Variants in MRPS31 observed in about 807,000 individuals in gnomAD.
MRPS31 encodes small ribosomal subunit protein mS31.
Under a neutral mutation model 43.1 loss-of-function variants are expected in MRPS31, and 32 were observed. The observed-to-expected ratio is 0.74, with a 90% CI of 0.56 to 1.00. The LOEUF (loss-of-function observed/expected upper bound fraction) is 1.00. Ranked by LOEUF, MRPS31 falls within the 50% of genes least tolerant of loss-of-function variation. The probability of loss-of-function intolerance (pLI) is 0.00; values close to 1 mark genes in which losing one functional copy is unlikely to be tolerated. For synonymous variants in MRPS31, 165 were observed against 161.6 expected, an observed-to-expected ratio of 1.02 and a Z score of -0.16; for missense variants, 437 against 466.7, an observed-to-expected ratio of 0.94 and a Z score of 0.59.
intron 6 of MRPS31, among the ~76,000 whole-genome samples, chr13:40,743,525 T>C (rs1880160537): frequency 6.6e-6 from 1 of 152,042 alleles, no homozygotes; most frequent in Admixed American, 6.6e-5. Context: ...ATCAACCCTA[T>C]TAAAAGGTGG....
intron 3 of MRPS31, among the ~76,000 whole-genome samples, chr13:40,758,018 CTG>C (rs751968370): frequency 1.3e-5 from 2 of 151,718 alleles, no homozygotes; most frequent in African/African-American, 2.4e-5. Flanking sequence ...TGGCGGGCAC[CTG>C]TAGTCCCAGC....
chr13:40,754,521 GT>G (rs746058390), intron 4 of MRPS31, among the ~76,000 whole-genome samples: 2 of 152,114 alleles, frequency 1.3e-5, no homozygotes, highest in Admixed American at 6.5e-5. Context: ...GATTGCATTG[GT>G]AAATCACAAC....
intron 4 of MRPS31, among the ~76,000 whole-genome samples, chr13:40,754,956 C>T (rs909918818): frequency 6.6e-6 from 1 of 152,216 alleles, no homozygotes; most frequent in Non-Finnish European, 1.5e-5. Flanking sequence ...ATCCCTTGAA[C>T]CCAGGAAGCA....
chr13:40,770,637 C>T (rs576032095), intron 1 of MRPS31: 51 of 326,822 alleles, frequency 1.6e-4, no homozygotes, highest in Non-Finnish European at 3.0e-4. Flanking sequence ...CCAGTACTGG[C>T]ACGCTGTTTT....
At chr13:40,746,628 C>T (rs1468558007) in intron 6 of MRPS31, among the ~76,000 whole-genome samples, 4 of 152,134 alleles carry the variant, frequency 2.6e-5, no homozygotes, top group African/African-American at 4.8e-5. Flanking sequence ...GATTTTGATG[C>T]ACTTAAGTGT....
rs201190639 is a variant in MRPS31, at chr13:40,769,373, C to CATAT, written c.152+1608_152+1611dup. On this transcript the variant is annotated intron_variant, in intron 1 of 6. Transcript: ENST00000323563. ...CTAAGCGACAGAGCAAGACTCTGTCCATATATATATATATATATATATATA... is the reference window on the plus strand; with the variant it reads ...CTAAGCGACAGAGCAAGACTCTGTCCATATATATATATATATATATATATATATA... Among the ~76,000 whole-genome samples, 646 of 65,434 alleles carry CATAT rather than the reference C, an allele frequency of 9.9e-3. 19 individuals are homozygous for CATAT. The highest frequency in any genetic ancestry group is 0.017 in the Non-Finnish European group (485 of 28,792). The allele number at this position is 65,434 out of a possible 152,430, so 42.9% of individuals were successfully genotyped here.
intron 2 of MRPS31, among the ~76,000 whole-genome samples, chr13:40,763,971 C>T (rs374772073): frequency 5.3e-5 from 8 of 152,158 alleles, no homozygotes; most frequent in Admixed American, 2.0e-4. Context: ...GGCCCTCAGA[C>T]GATTCCAGAT....
chr13:40,734,986 G>C (rs1356609069), intron 6 of MRPS31, among the ~76,000 whole-genome samples: 2 of 152,208 alleles, frequency 1.3e-5, no homozygotes, highest in Non-Finnish European at 2.9e-5. Flanking sequence ...GAGCGACGCA[G>C]AAGACGGGTG....
At chr13:40,750,742 T>TTATATATATATATATATA (rs66521234) in intron 5 of MRPS31, among the ~76,000 whole-genome samples, 111 of 130,804 alleles carry the variant, frequency 8.5e-4, no homozygotes, top group African/African-American at 2.9e-3. Flanking sequence ...GTATCCCATT[T>TTATATATATATATATATA]TATATATATA....
At chr13:40,750,739 A>ATT (rs1401510230) in intron 5 of MRPS31, among the ~76,000 whole-genome samples, 9 of 60,418 alleles carry the variant, frequency 1.5e-4, no homozygotes, top group South Asian at 7.5e-4. Flanking sequence ...TTAGTATCCC[A>ATT]TTTTATATAT....
At chr13:40,740,079 A>C (rs1880038269) in intron 6 of MRPS31, among the ~76,000 whole-genome samples, 1 of 151,192 alleles carries the variant, frequency 6.6e-6, no homozygotes, top group Non-Finnish European at 1.5e-5. Context: ...CAATGAACTC[A>C]AGCAAATTTA....
intron 5 of MRPS31, among the ~76,000 whole-genome samples, chr13:40,753,371 T>C (rs1461016563): frequency 1.3e-5 from 2 of 152,246 alleles, no homozygotes; most frequent in African/African-American, 4.8e-5. Flanking sequence ...TGGTAGTTGA[T>C]TATTATTGTT....
intron 6 of MRPS31, among the ~76,000 whole-genome samples, chr13:40,737,285 G>C (rs2137995619): frequency 6.6e-6 from 1 of 152,180 alleles, no homozygotes; most frequent in Non-Finnish European, 1.5e-5. Flanking sequence ...CATAAAGCAA[G>C]TCCTGAGTGA....
At chr13:40,748,407 T>G (rs1416059175) in intron 6 of MRPS31, among the ~76,000 whole-genome samples, 1 of 152,264 alleles carries the variant, frequency 6.6e-6, no homozygotes, top group Non-Finnish European at 1.5e-5. Context: ...TCCGCCCGCC[T>G]CAGCCTCCCA....
At chr13:40,770,933 C>T in intron 1 of MRPS31, 52 bp downstream of exon 1, 1 of 1,612,038 alleles carries the variant, frequency 6.2e-7, no homozygotes, top group Non-Finnish European at 8.5e-7. Flanking sequence ...ACATCGACCC[C>T]AGGAAGTCGG....
chr13:40,756,980 G>A lies in MRPS31; in HGVS notation c.633C>T (p.Ala211=), dbSNP rs1880548319. ...AACGAACTCTAGCTGTAGCAGATCT[G>A]GCAACTTTCATATCTGATATTATGT... The part of the protein sequence containing the change: ...FSNIISDMKV[A]RSATARVRSR... Residue 211 remains alanine (A), a synonymous_variant, in exon 4 of 7, where the codon GCC becomes GCT. Transcript: ENST00000323563. 2 of 1,611,748 alleles carry A rather than the reference G, an allele frequency of 1.2e-6. No individual in the cohort carries two copies. Among genetic ancestry groups the A allele is most frequent in the East Asian group, 2.2e-5 (1 of 44,814 alleles).
chr13:40,742,821 C>T (rs1452359868), intron 6 of MRPS31, among the ~76,000 whole-genome samples: 1 of 152,146 alleles, frequency 6.6e-6, no homozygotes, highest in Non-Finnish European at 1.5e-5. Flanking sequence ...TCTAGGAAAG[C>T]ATATCAAAAA....
At chr13:40,734,566 G>T (rs1367484015) in intron 6 of MRPS31, among the ~76,000 whole-genome samples, 3 of 152,160 alleles carry the variant, frequency 2.0e-5, no homozygotes, top group African/African-American at 7.2e-5. Context: ...CTTTCAGTGG[G>T]AACAGGAAAG....
chr13:40,753,986 T>C, intron 5 of MRPS31, 33 bp downstream of exon 5: 1 of 1,331,132 alleles, frequency 7.5e-7, no homozygotes, highest in Non-Finnish European at 1.1e-6. Flanking sequence ...GGAATGTTTC[T>C]CCACCTGAGA....
Sources: allele counts gnomAD v4.1 joint callset (sites outside exome capture counted in the v4.1 genomes callset), GRCh38; gene constraint gnomAD v4.1.1; transcripts MANE v1.5; gene names NCBI Gene and HGNC (gene_info 2026-07-23, HGNC 2026-07-21).